LPP: variants seen among roughly 807,000 people sequenced by gnomAD.
LPP encodes LIM domain containing preferred translocation partner in lipoma, also known as lipoma-preferred partner.
LPP carries 38 observed loss-of-function variants against 60.4 expected under a neutral mutation model. That is an observed-to-expected ratio of 0.63 (90% confidence interval 0.49 to 0.83). LPP has a LOEUF of 0.83. Among genes scored for constraint, LPP ranks in the 40% least tolerant of loss-of-function variants. The pLI is 0.00. For synonymous variants in LPP, 328 were observed against 290.8 expected, an observed-to-expected ratio of 1.13 and a Z score of -1.30; for missense variants, 902 against 783.6, an observed-to-expected ratio of 1.15 and a Z score of -1.80.
At chr3:188,304,950 G>A (rs9854267) in intron 2 of LPP, among the ~76,000 whole-genome samples, 1 of 152,028 alleles carries the variant, frequency 6.6e-6, no homozygotes, top group Non-Finnish European at 1.5e-5. Context: ...TATTTATTTG[G>A]GCTGAAATAT....
At chr3:188,452,248 C>T (rs115529697) in intron 4 of LPP, among the ~76,000 whole-genome samples, 1 of 152,152 alleles carries the variant, frequency 6.6e-6, no homozygotes, top group African/African-American at 2.4e-5. Context: ...CCCTCCGTAT[C>T]CTTCTCTTTC....
At chr3:188,860,994 C>A (rs1341468580) in intron 9 of LPP, among the ~76,000 whole-genome samples, 3 of 152,310 alleles carry the variant, frequency 2.0e-5, no homozygotes, top group Non-Finnish European at 2.9e-5. Context: ...CCCAATCTGT[C>A]ACTAGCTGTG....
At chr3:188,185,504 CT>C (rs1423696206) in intron 1 of LPP, among the ~76,000 whole-genome samples, 1 of 151,970 alleles carries the variant, frequency 6.6e-6, no homozygotes, top group African/African-American at 2.4e-5. Context: ...TCTTTTCCCC[CT>C]ATATACCCCA....
At chr3:188,334,789 A>G (rs1258266966) in intron 2 of LPP, among the ~76,000 whole-genome samples, 1 of 152,126 alleles carries the variant, frequency 6.6e-6, no homozygotes, top group Non-Finnish European at 1.5e-5. Context: ...TGGCTGTACT[A>G]ACTTACATTC....
At position 188,285,677 on chromosome 3, in the gene LPP, C is replaced by G. The variant is rs138640306; in HGVS notation, c.-66-55986C>G. On this transcript the variant is annotated intron_variant, in intron 2 of 11. Coordinates refer to ENST00000617246, the MANE Select transcript of LPP (RefSeq NM_001375462.1). ...TCGACCTCCCAAAGTGCTGGGATTA[C>G]AGGCATGAGCCACTGTTTCTGGCCT... Among the ~76,000 whole-genome samples the G allele has an allele frequency of 1.5e-3, 226 of 152,330 alleles. 1 individual carries two copies. Among genetic ancestry groups the G allele is most frequent in the Admixed American group, 1.4e-3 (21 of 15,290 alleles).
rs1162152256 is a variant in LPP at position 188,877,339 on chromosome 3, CAG to C, written c.*2862_*2863del. ...ATAGTAGAAAAATCAGAGTCTATAA[CAG>C]AAAGTTTGTAAAAATATACTGATTT... On this transcript the variant is annotated 3_prime_UTR_variant, in exon 12 of 12. Coordinates refer to ENST00000617246, the MANE Select transcript of LPP (RefSeq NM_001375462.1). 1 of 179,850 alleles carries C rather than the reference CAG, an allele frequency of 5.6e-6. No individual in the cohort carries two copies. Among genetic ancestry groups the C allele is most frequent in the East Asian group, 9.2e-5 (1 of 10,888 alleles). 11.1% of individuals were successfully genotyped at this position (179,850 alleles called of 1,614,324 possible).
chr3:188,404,181 G>A (rs1782881318), intron 3 of LPP, among the ~76,000 whole-genome samples: 1 of 152,130 alleles, frequency 6.6e-6, no homozygotes, highest in Non-Finnish European at 1.5e-5. Flanking sequence ...ACTATAAAAA[G>A]TACTTTAATA....
intron 8 of LPP, among the ~76,000 whole-genome samples, chr3:188,739,755 A>G (rs1489915875): frequency 6.6e-6 from 1 of 152,004 alleles, no homozygotes; most frequent in Non-Finnish European, 1.5e-5. Flanking sequence ...AGAATTTACA[A>G]TTGTCTGTAG....
chr3:188,431,160 C>A (rs1172509151), intron 4 of LPP, among the ~76,000 whole-genome samples: 3 of 152,066 alleles, frequency 2.0e-5, no homozygotes, highest in Non-Finnish European at 2.9e-5. Flanking sequence ...AGAAAACAGC[C>A]AGCCCAAGGT....
chr3:188,305,672 C>T (rs970655416), intron 2 of LPP, among the ~76,000 whole-genome samples: 7 of 152,270 alleles, frequency 4.6e-5, no homozygotes, highest in African/African-American at 1.7e-4. Flanking sequence ...CTTAAGAGAA[C>T]TGCCTTTATG....
rs1353923569 is a variant in LPP at position 188,875,491 on chromosome 3, A to G, written c.*1012A>G. 4.6e-6 allele frequency: 1 copy of G among 215,158 alleles called. No homozygotes were observed. Among genetic ancestry groups the G allele is most frequent in the Non-Finnish European group, 9.4e-6 (1 of 106,592 alleles). 13.3% of individuals were successfully genotyped at this position (215,158 alleles called of 1,614,324 possible). A position where few individuals can be genotyped will look rare whatever the true frequency, so the allele number is the denominator to read the frequency against. ...TCTCTTCTTTTTCTTTTTTATTACC[A>G]GGTCCATTTTGCCTGACAATTGCAA... On this transcript the variant is annotated 3_prime_UTR_variant, in exon 12 of 12. Transcript: ENST00000617246.
rs1463318065 is a variant in LPP at position 188,825,269 on chromosome 3, C to CTCTCTCTGTGTG, written c.1411-40930_1411-40929insCTCTCTGTGTGT. ...TCTTTCTCTCTCTCTCTCTCTCTCT[C>CTCTCTCTGTGTG]TGTGTGTGTGTGTGTGTGTGTGTGT... On this transcript the variant is annotated intron_variant, in intron 9 of 11. Coordinates refer to ENST00000617246, the MANE Select transcript of LPP (RefSeq NM_001375462.1). 3.1e-3 allele frequency among the ~76,000 whole-genome samples: 314 copies of CTCTCTCTGTGTG among 101,728 alleles called. 3 individuals are homozygous for CTCTCTCTGTGTG. Among genetic ancestry groups the CTCTCTCTGTGTG allele is most frequent in the Middle Eastern group, 5.5e-3 (1 of 182 alleles). The allele number at this position is 101,728 out of a possible 152,430, so 66.7% of individuals were successfully genotyped here.
chr3:188,881,485 T>C lies in LPP; in HGVS notation c.*7006T>C. ...CAGTTCACCATGAGTCAGGCTAGGT[T>C]GAAAGGCTTTCTTTAGGGTTGAAAG... On this transcript the variant is annotated 3_prime_UTR_variant, in exon 12 of 12. Coordinates refer to ENST00000617246, the MANE Select transcript of LPP (RefSeq NM_001375462.1). 1 of 212,024 alleles carries C rather than the reference T, an allele frequency of 4.7e-6. No individual in the cohort carries two copies. Among genetic ancestry groups the C allele is most frequent in the East Asian group, 7.1e-5 (1 of 14,142 alleles). The allele number at this position is 212,024 out of a possible 1,614,324, so 13.1% of individuals were successfully genotyped here.
intron 6 of LPP, 148 bp downstream of exon 6, chr3:188,524,935 CCTTCCTTCCTTCCTCT>C (rs1560518958): frequency 1.0e-5 from 3 of 300,508 alleles, no homozygotes; most frequent in East Asian, 2.9e-4. Flanking sequence ...TTCCTTCCTT[CCTTCCTTCCTTCCTCT>C]CTCTCTCTTC....
At chr3:188,760,417 T>TGGG in intron 9 of LPP, 135 bp downstream of exon 9, 10 of 691,364 alleles carry the variant, frequency 1.4e-5, no homozygotes, top group Non-Finnish European at 2.4e-5. Flanking sequence ...GGGGTGTGTG[T>TGGG]GTGTGTGTGT....
intron 10 of LPP, among the ~76,000 whole-genome samples, chr3:188,869,002 G>A (rs1195911557): frequency 1.3e-5 from 2 of 152,194 alleles, no homozygotes; most frequent in Non-Finnish European, 1.5e-5. Flanking sequence ...CACAGGTAAG[G>A]GCTTGCACTG....
chr3:188,711,239 T>C (rs1341199470), intron 8 of LPP: 1 of 152,198 alleles, frequency 6.6e-6, no homozygotes, highest in East Asian at 1.9e-4. Flanking sequence ...AATGGCTAAC[T>C]TTTATTGAGT....
chr3:188,699,423 A>G (rs1201303800), intron 7 of LPP, among the ~76,000 whole-genome samples: 3 of 140,968 alleles, frequency 2.1e-5, no homozygotes, highest in South Asian at 2.3e-4. Flanking sequence ...ATCCTTGGCT[A>G]TGACTCCAAA....
chr3:188,415,262 A>G (rs1433329025), intron 4 of LPP, among the ~76,000 whole-genome samples: 1 of 152,180 alleles, frequency 6.6e-6, no homozygotes, highest in Admixed American at 6.6e-5. Context: ...CATGTATTAG[A>G]AAAGCTAAAA....
Sources: gnomAD v4.1 joint callset for allele counts (sites outside exome capture counted in the v4.1 genomes callset) on GRCh38, gnomAD v4.1.1 for gene constraint, MANE v1.5 for transcripts, NCBI Gene and HGNC (gene_info 2026-07-23, HGNC 2026-07-21) for gene names.